The following FGF7 variants were observed in gnomAD, a reference collection of about 807,000 sequenced individuals.
The protein encoded by FGF7 is fibroblast growth factor 7.
Under a neutral mutation model 20.5 loss-of-function variants are expected in FGF7, and 6 were observed. That is an observed-to-expected ratio of 0.29 (90% CI 0.16 to 0.58). The LOEUF (loss-of-function observed/expected upper bound fraction) is 0.58. Among genes scored for constraint, FGF7 ranks in the 20% least tolerant of loss-of-function variants. FGF7 has a pLI of 0.90. For missense variants in FGF7, 144 were observed against 228.8 expected (o/e 0.63, Z 2.39); for synonymous variants, 64 against 74.7 (o/e 0.86, Z 0.74).
At chr15:49,436,464 C>G (rs1306953236) in intron 2 of FGF7, among the ~76,000 whole-genome samples, 2 of 151,452 alleles carry the variant, frequency 1.3e-5, no homozygotes, top group East Asian at 3.9e-4. Context: ...ATGAGACATT[C>G]TTAAGTAAAT....
chr15:49,463,569 T>C (rs1292516208), intron 2 of FGF7, among the ~76,000 whole-genome samples: 1 of 116,916 alleles, frequency 8.6e-6, no homozygotes, highest in African/African-American at 3.6e-5. Flanking sequence ...AAAAAAAATA[T>C]CCAAACTCAA....
At chr15:49,480,439 C>G (rs2055828042) in intron 2 of FGF7, among the ~76,000 whole-genome samples, 1 of 150,166 alleles carries the variant, frequency 6.7e-6, no homozygotes, top group Non-Finnish European at 1.5e-5. Context: ...TCTCAAGTAG[C>G]TAGAATTATA....
At chr15:49,483,603 C>T (rs1363548742) in intron 3 of FGF7, among the ~76,000 whole-genome samples, 1 of 152,002 alleles carries the variant, frequency 6.6e-6, no homozygotes, top group African/African-American at 2.4e-5. Context: ...CCAATTTGCA[C>T]ATTGCTGACA....
chr15:49,453,753 A>G (rs901259294), intron 2 of FGF7, among the ~76,000 whole-genome samples: 1 of 152,150 alleles, frequency 6.6e-6, no homozygotes, highest in African/African-American at 2.4e-5. Flanking sequence ...ACATGTATCT[A>G]ATGGTCACTA....
intron 2 of FGF7, among the ~76,000 whole-genome samples, chr15:49,428,133 C>T (rs1293674005): frequency 1.3e-5 from 2 of 151,750 alleles, no homozygotes; most frequent in African/African-American, 4.8e-5. Context: ...GATACTGGAC[C>T]ACATTTCTGA....
intron 2 of FGF7, among the ~76,000 whole-genome samples, chr15:49,463,758 C>T (rs1004644339): frequency 7.9e-5 from 12 of 152,122 alleles, no homozygotes; most frequent in Admixed American, 5.2e-4. Context: ...CACTACTATG[C>T]TGCTACAAAG....
chr15:49,459,058 A>G (rs889292755), intron 2 of FGF7, among the ~76,000 whole-genome samples: 1 of 152,200 alleles, frequency 6.6e-6, no homozygotes, highest in Non-Finnish European at 1.5e-5. Flanking sequence ...CTCAACTAAT[A>G]TATCTTCCTT....
At chr15:49,468,993 A>G (rs1485394754) in intron 2 of FGF7, among the ~76,000 whole-genome samples, 2 of 152,206 alleles carry the variant, frequency 1.3e-5, no homozygotes, top group East Asian at 1.9e-4. Context: ...TTTCAGGTTG[A>G]CACCTTAAAA....
intron 2 of FGF7, among the ~76,000 whole-genome samples, chr15:49,458,987 C>T (rs561304187): frequency 3.3e-5 from 5 of 152,220 alleles, no homozygotes; most frequent in East Asian, 1.9e-4. Context: ...TAAAGCAATT[C>T]GTTTGATTGT....
Position 49,487,365 on chromosome 15 carries a change from A to C in FGF7, c.*2861A>C, listed in dbSNP as rs1567375846. 1 of 151,970 alleles carries C rather than the reference A, an allele frequency of 6.6e-6. No individual in the cohort carries two copies. The highest frequency in any genetic ancestry group is 1.5e-5 in the Non-Finnish European group (1 of 67,908). 9.4% of individuals were successfully genotyped at this position (151,970 alleles called of 1,614,324 possible). On this transcript the variant is annotated 3_prime_UTR_variant, in exon 4 of 4. Transcript: ENST00000267843. ...AAACATGAAATGATAACAAAAGTAA[A>C]CAAAAGATACTTTCAAAGCAGTGAA... is the stretch of plus-strand genomic sequence containing the variant.
At chr15:49,447,925 C>T (rs1179288823) in intron 2 of FGF7, among the ~76,000 whole-genome samples, 4 of 151,616 alleles carry the variant, frequency 2.6e-5, no homozygotes, top group East Asian at 1.9e-4. Flanking sequence ...TCCTCAGGCT[C>T]GTGTCCTTTA....
At chr15:49,467,580 A>G (rs978599003) in intron 2 of FGF7, among the ~76,000 whole-genome samples, 1 of 152,166 alleles carries the variant, frequency 6.6e-6, no homozygotes, top group Non-Finnish European at 1.5e-5. Flanking sequence ...ATTTCATATA[A>G]AAATCTGATA....
At chr15:49,424,827 G>C (rs1168134524) in intron 2 of FGF7, 6 of 295,280 alleles carry the variant, frequency 2.0e-5, no homozygotes, top group Non-Finnish European at 3.7e-5. Context: ...TATACTCCTT[G>C]TCCTGAAAAT....
At chr15:49,425,734 A>T (rs968010853) in intron 2 of FGF7, among the ~76,000 whole-genome samples, 1 of 151,892 alleles carries the variant, frequency 6.6e-6, no homozygotes, top group Non-Finnish European at 1.5e-5. Context: ...GAAAATGAGA[A>T]GACCTTCTTT....
At chr15:49,425,718 C>T (rs1453511276) in intron 2 of FGF7, among the ~76,000 whole-genome samples, 1 of 151,538 alleles carries the variant, frequency 6.6e-6, no homozygotes, top group Non-Finnish European at 1.5e-5. Flanking sequence ...ATTATGTTTC[C>T]AATATGAAAA....
chr15:49,423,613 T>C (rs1374056628), intron 1 of FGF7, among the ~76,000 whole-genome samples, 173 bp downstream of exon 1: 1 of 152,118 alleles, frequency 6.6e-6, no homozygotes, highest in African/African-American at 2.4e-5. Context: ...TCCAGAGCAA[T>C]CCTGACATTT....
At position 49,424,476 on chromosome 15, in the gene FGF7, A is replaced by G; in HGVS notation, c.179A>G (p.Glu60Gly). The G allele has an allele frequency of 6.2e-7, 1 of 1,613,582 alleles. No homozygotes were observed. The change falls in exon 2 of 4, where the codon GAA (glutamate) becomes GGA (glycine). Residue 60 changes from glutamate (E) to glycine (G), a missense_variant. Physicochemically the swap from Glu to Gly is moderately conservative, Grantham distance 98. Transcript: ENST00000267843. ...CACACAAGAAGTTATGATTACATGG[A>G]AGGAGGGGATATAAGAGTGAGAAGA... Reference protein sequence around the residue: ...ERHTRSYDYMEGGDIRVRRLF... With the variant: ...ERHTRSYDYMGGGDIRVRRLF...
intron 2 of FGF7, among the ~76,000 whole-genome samples, chr15:49,469,013 T>C (rs1391603395): frequency 6.6e-6 from 1 of 152,228 alleles, no homozygotes; most frequent in Non-Finnish European, 1.5e-5. Flanking sequence ...AAAATACAGC[T>C]ACATGTTTTA....
chr15:49,450,081 A>G (rs1311861083), intron 2 of FGF7, among the ~76,000 whole-genome samples: 1 of 152,166 alleles, frequency 6.6e-6, no homozygotes, highest in Non-Finnish European at 1.5e-5. Context: ...CATAAGACTG[A>G]GAAGAAACAA....
Sources: allele counts gnomAD v4.1 joint callset (sites outside exome capture counted in the v4.1 genomes callset), GRCh38; gene constraint gnomAD v4.1.1; transcripts MANE v1.5; gene names NCBI Gene and HGNC (gene_info 2026-07-23, HGNC 2026-07-21).